Variants in PCDH9 observed in about 807,000 individuals in gnomAD.
PCDH9 encodes protocadherin-9.
Under a neutral mutation model 70.6 loss-of-function variants are expected in PCDH9, and 24 were observed. The observed-to-expected ratio is 0.34, with a 90% CI of 0.25 to 0.48. The LOEUF (loss-of-function observed/expected upper bound fraction) is 0.48. Ranked by LOEUF, PCDH9 falls within the 20% of genes least tolerant of loss-of-function variation. PCDH9 has a pLI of 0.99. For missense variants in PCDH9, 1,281 were observed against 1,503.6 expected, an observed-to-expected ratio of 0.85 and a Z score of 2.45; for synonymous variants, 562 against 558.5, an observed-to-expected ratio of 1.01 and a Z score of -0.09.
chr13:66,909,983 C>T (rs116078959), intron 2 of PCDH9, among the ~76,000 whole-genome samples: 7 of 152,272 alleles, frequency 4.6e-5, no homozygotes, highest in East Asian at 3.9e-4. Context: ...CCCTTCAATA[C>T]TCTCTTGACC....
At chr13:66,896,148 TA>T (rs2082174981) in intron 3 of PCDH9, among the ~76,000 whole-genome samples, 1 of 152,174 alleles carries the variant, frequency 6.6e-6, no homozygotes, top group South Asian at 2.1e-4. Flanking sequence ...AGAATGTGTT[TA>T]ATAAAAAGTT....
chr13:66,434,355 TCA>T (rs1168526850), intron 4 of PCDH9, among the ~76,000 whole-genome samples: 1 of 152,016 alleles, frequency 6.6e-6, no homozygotes, highest in Non-Finnish European at 1.5e-5. Flanking sequence ...TCGGTAAATT[TCA>T]GTCTTTAGAA....
Position 67,228,524 on chromosome 13 carries a change from G to C in PCDH9, c.-84C>G. 1 of 1,143,412 alleles carries C rather than the reference G, an allele frequency of 8.7e-7. No homozygotes were observed. The highest frequency in any genetic ancestry group is 1.2e-6 in the Non-Finnish European group (1 of 810,388). The allele number at this position is 1,143,412 out of a possible 1,614,324, so 70.8% of individuals were successfully genotyped here. A position where few individuals can be genotyped will look rare whatever the true frequency, so the allele number is the denominator to read the frequency against. ...TGATGCACAAATTGCAAGAGGAAGC[G>C]TGCATGGACTGGAGGATGCATTATA... is the stretch of plus-strand genomic sequence containing the variant. On this transcript the variant is annotated 5_prime_UTR_variant, in exon 2 of 5. Coordinates refer to ENST00000377865, the MANE Select transcript of PCDH9 (RefSeq NM_203487.3).
rs1287435715 is a variant in PCDH9 at position 67,176,534 on chromosome 13, A to AC, written c.3036+48870dup. 3.6e-3 allele frequency among the ~76,000 whole-genome samples: 548 copies of AC among 151,736 alleles called. 4 individuals carry two copies. The highest frequency in any genetic ancestry group is 0.012 in the African/African-American group (493 of 41,410). On this transcript the variant is annotated intron_variant, in intron 2 of 4. Coordinates refer to ENST00000377865, the MANE Select transcript of PCDH9 (RefSeq NM_203487.3). The stretch of plus-strand genomic sequence containing the variant: ...AAAAATAAAAATAAACAAAAAAAAA[A>AC]CAAAGAATCTCTATTAGGACAAAGA...
chr13:66,515,744 A>T (rs1433036154), intron 4 of PCDH9, among the ~76,000 whole-genome samples: 1 of 152,034 alleles, frequency 6.6e-6, no homozygotes, highest in Non-Finnish European at 1.5e-5. Flanking sequence ...ATTTATAGAA[A>T]ATTATGAATT....
intron 2 of PCDH9, among the ~76,000 whole-genome samples, chr13:67,032,588 A>G (rs562438211): frequency 4.2e-4 from 64 of 152,332 alleles, no homozygotes; most frequent in Admixed American, 9.8e-4. Context: ...CCCTTGTTCT[A>G]AGGTGCACAT....
intron 3 of PCDH9, among the ~76,000 whole-genome samples, chr13:66,847,226 A>T (rs924080018): frequency 7.9e-5 from 12 of 152,216 alleles, no homozygotes; most frequent in Admixed American, 2.6e-4. Context: ...CTTTAATAAA[A>T]TTGATTCCAT....
At chr13:66,455,784 A>G (rs1218273397) in intron 4 of PCDH9, among the ~76,000 whole-genome samples, 2 of 152,032 alleles carry the variant, frequency 1.3e-5, no homozygotes, top group Non-Finnish European at 2.9e-5. Context: ...TTTCTTTTCA[A>G]TTGTTATTAT....
intron 4 of PCDH9, among the ~76,000 whole-genome samples, chr13:66,376,461 T>C (rs542457257): frequency 2.6e-4 from 39 of 152,288 alleles, no homozygotes; most frequent in African/African-American, 8.4e-4. Flanking sequence ...CTTATAATAA[T>C]GTAATTTCAT....
At chr13:67,118,404 C>G (rs1354153595) in intron 2 of PCDH9, among the ~76,000 whole-genome samples, 2 of 152,092 alleles carry the variant, frequency 1.3e-5, no homozygotes, top group East Asian at 3.9e-4. Flanking sequence ...GGCAAGTAAA[C>G]CTACAGAAAA....
At chr13:66,415,189 C>T (rs1251761888) in intron 4 of PCDH9, among the ~76,000 whole-genome samples, 1 of 152,066 alleles carries the variant, frequency 6.6e-6, no homozygotes, top group Non-Finnish European at 1.5e-5. Context: ...AAATATTAAA[C>T]CAAACTCAGT....
At chr13:66,689,092 A>G (rs2078445892) in intron 3 of PCDH9, among the ~76,000 whole-genome samples, 1 of 152,208 alleles carries the variant, frequency 6.6e-6, no homozygotes, top group Admixed American at 6.5e-5. Context: ...AAATGTATGT[A>G]TCTAGCCACT....
chr13:66,849,517 T>TATATATATATAGAG (rs1272589939), intron 3 of PCDH9, among the ~76,000 whole-genome samples: 7 of 63,578 alleles, frequency 1.1e-4, no homozygotes, highest in African/African-American at 1.7e-4. Flanking sequence ...TATATATATA[T>TATATATATATAGAG]AGAGAGAGAG....
chr13:66,998,776 A>C (rs530498285), intron 2 of PCDH9, among the ~76,000 whole-genome samples: 5 of 152,142 alleles, frequency 3.3e-5, no homozygotes, highest in Non-Finnish European at 7.4e-5. Flanking sequence ...TTCCACTCAG[A>C]CTGTTGTAAT....
At chr13:66,311,364 CTCTGTGTGTGTG>C (rs1442308377) in intron 4 of PCDH9, among the ~76,000 whole-genome samples, 2 of 106,194 alleles carry the variant, frequency 1.9e-5, no homozygotes, top group African/African-American at 6.0e-5. Flanking sequence ...TTCTCTCTCT[CTCTGTGTGTGTG>C]TGTGTGTGTG....
chr13:66,720,150 T>C (rs563925731), intron 3 of PCDH9, among the ~76,000 whole-genome samples: 2 of 147,872 alleles, frequency 1.4e-5, no homozygotes, highest in South Asian at 4.3e-4. Context: ...ATCTATTTAT[T>C]TTTTATTTTT....
intron 2 of PCDH9, among the ~76,000 whole-genome samples, chr13:66,926,187 C>T (rs1478952955): frequency 6.6e-6 from 1 of 151,744 alleles, no homozygotes; most frequent in Non-Finnish European, 1.5e-5. Context: ...TTATGTTGTA[C>T]CTTTGTTCTT....
intron 4 of PCDH9, among the ~76,000 whole-genome samples, chr13:66,322,683 T>C (rs918995407): frequency 6.6e-6 from 1 of 152,058 alleles, no homozygotes; most frequent in East Asian, 1.9e-4. Context: ...AAATACTCTA[T>C]ACAGGCATTG....
chr13:66,682,837 A>T (rs890204755), intron 3 of PCDH9, among the ~76,000 whole-genome samples: 1 of 152,116 alleles, frequency 6.6e-6, no homozygotes, highest in African/African-American at 2.4e-5. Flanking sequence ...TGGCATTAGG[A>T]TCCATTCAGT....
Sources: allele counts gnomAD v4.1 joint callset (sites outside exome capture counted in the v4.1 genomes callset), GRCh38; gene constraint gnomAD v4.1.1; transcripts MANE v1.5; gene names NCBI Gene and HGNC (gene_info 2026-07-23, HGNC 2026-07-21).